The following CSMD3 variants were observed in gnomAD, a reference collection of about 807,000 sequenced individuals.
The protein encoded by CSMD3 is CUB and Sushi multiple domains 3, also known as CUB and sushi domain-containing protein 3.
A neutral mutation model predicts 435.2 loss-of-function variants in CSMD3; 177 were observed. That is an observed-to-expected ratio of 0.41 (90% CI 0.36 to 0.46). The LOEUF is 0.46. Among genes scored for constraint, CSMD3 ranks in the 20% least tolerant of loss-of-function variants. The pLI is 0.34. For missense variants in CSMD3, 4,265 were observed against 4,504.6 expected, an observed-to-expected ratio of 0.95 and a Z score of 1.52; for synonymous variants, 1,656 against 1,520.5, an observed-to-expected ratio of 1.09 and a Z score of -2.07.
At chr8:112,494,876 T>G (rs1267549967) in intron 30 of CSMD3, among the ~76,000 whole-genome samples, 1 of 151,984 alleles carries the variant, frequency 6.6e-6, no homozygotes, top group Admixed American at 6.6e-5. Context: ...TAAATGTGAT[T>G]CCTGGGTTTC....
chr8:113,146,752 T>G (rs951954928), intron 4 of CSMD3, among the ~76,000 whole-genome samples: 1 of 151,608 alleles, frequency 6.6e-6, no homozygotes, highest in Non-Finnish European at 1.5e-5. Flanking sequence ...ACTGGCCATA[T>G]ACACGAAAAC....
At chr8:112,665,590 CTGTT>C (rs2075501965) in intron 17 of CSMD3, among the ~76,000 whole-genome samples, 2 of 151,886 alleles carry the variant, frequency 1.3e-5, no homozygotes, top group East Asian at 1.9e-4. Flanking sequence ...TTTTGTTCAT[CTGTT>C]TGTTTTTTGA....
At chr8:112,947,700 TTCA>T in intron 9 of CSMD3, 87 bp downstream of exon 9, 1 of 675,994 alleles carries the variant, frequency 1.5e-6, no homozygotes, top group Non-Finnish European at 2.7e-6. Context: ...CCACTAAGAC[TTCA>T]TCTTTATATT....
intron 38 of CSMD3, among the ~76,000 whole-genome samples, chr8:112,355,520 A>G (rs1019397258): frequency 2.0e-5 from 3 of 152,170 alleles, no homozygotes; most frequent in African/African-American, 7.2e-5. Flanking sequence ...GTCAACAAGC[A>G]AAACACAAAT....
chr8:113,323,782 G>T (rs1472378412), intron 1 of CSMD3, among the ~76,000 whole-genome samples: 1 of 151,970 alleles, frequency 6.6e-6, no homozygotes, highest in Non-Finnish European at 1.5e-5. Context: ...AATTTCTATT[G>T]AATGCTTGTT....
chr8:112,768,212 A>C (rs888612923), intron 13 of CSMD3, among the ~76,000 whole-genome samples: 1 of 151,752 alleles, frequency 6.6e-6, no homozygotes, highest in African/African-American at 2.4e-5. Flanking sequence ...GGAGAGTTTG[A>C]TATCCAGAGG....
chr8:112,370,085 T>G (rs74853441), intron 38 of CSMD3, among the ~76,000 whole-genome samples: 1 of 113,594 alleles, frequency 8.8e-6, no homozygotes, highest in Non-Finnish European at 1.7e-5. Flanking sequence ...GAAGAAGAAG[T>G]AGTAGTAGTA....
intron 1 of CSMD3, among the ~76,000 whole-genome samples, chr8:113,431,517 A>G (rs2094673016): frequency 6.6e-6 from 1 of 152,212 alleles, no homozygotes; most frequent in Non-Finnish European, 1.5e-5. Context: ...TACCAGGCGT[A>G]TGCTTGGTGC....
chr8:112,670,535 C>G (rs2075632070), intron 16 of CSMD3, among the ~76,000 whole-genome samples: 1 of 152,064 alleles, frequency 6.6e-6, no homozygotes, highest in Non-Finnish European at 1.5e-5. Flanking sequence ...AAGGCATTAT[C>G]AGATTATGAA....
At chr8:112,361,648 T>G (rs1478747055) in intron 38 of CSMD3, among the ~76,000 whole-genome samples, 1 of 138,948 alleles carries the variant, frequency 7.2e-6, no homozygotes, top group Non-Finnish European at 1.5e-5. Flanking sequence ...TGATTTCAAA[T>G]GAGTGATTAA....
intron 22 of CSMD3, among the ~76,000 whole-genome samples, chr8:112,601,117 A>G (rs966277727): frequency 3.4e-4 from 52 of 152,172 alleles, no homozygotes; most frequent in African/African-American, 1.2e-3. Context: ...CAAGAACAAA[A>G]TATACTTCTT....
intron 45 of CSMD3, among the ~76,000 whole-genome samples, chr8:112,324,857 T>C (rs562507084): frequency 5.3e-4 from 81 of 152,204 alleles, no homozygotes; most frequent in African/African-American, 1.8e-3. Context: ...CAAGAGTGGA[T>C]AGCAAGAGAC....
chr8:113,373,128 C>A (rs1395574658), intron 1 of CSMD3, among the ~76,000 whole-genome samples: 1 of 152,078 alleles, frequency 6.6e-6, no homozygotes, highest in African/African-American at 2.4e-5. Flanking sequence ...GAAGCAGAAT[C>A]CAATTCTCTA....
intron 23 of CSMD3, among the ~76,000 whole-genome samples, chr8:112,578,928 C>T (rs1453594192): frequency 1.3e-5 from 2 of 151,936 alleles, no homozygotes; most frequent in Non-Finnish European, 2.9e-5. Context: ...GAGCAATGTA[C>T]AAATAGTAAT....
chr8:112,618,793 A>G (rs762090778), intron 22 of CSMD3, among the ~76,000 whole-genome samples: 4 of 152,090 alleles, frequency 2.6e-5, no homozygotes, highest in Non-Finnish European at 5.9e-5. Context: ...AAACCACTCT[A>G]TTTATGCCTG....
intron 1 of CSMD3, among the ~76,000 whole-genome samples, chr8:113,327,006 T>C (rs577421363): frequency 6.0e-4 from 92 of 152,332 alleles, no homozygotes; most frequent in African/African-American, 2.2e-3. Flanking sequence ...AAGAATATAA[T>C]GAATTATGTC....
intron 13 of CSMD3, among the ~76,000 whole-genome samples, chr8:112,730,808 A>G: frequency 6.6e-6 from 1 of 152,130 alleles, no homozygotes; most frequent in Admixed American, 6.6e-5. Context: ...AGATCAATTT[A>G]GGGCTTGCTC....
At chr8:113,043,756 T>C (rs35439383) in intron 5 of CSMD3, among the ~76,000 whole-genome samples, 8,068 of 152,132 alleles carry the variant, frequency 0.053, 333 homozygotes, top group Non-Finnish European at 0.085. Flanking sequence ...TTGTATCTAA[T>C]AATTTAGAAG....
intron 10 of CSMD3, among the ~76,000 whole-genome samples, chr8:112,910,860 A>AC (rs368983953): frequency 1.4e-3 from 211 of 151,954 alleles, no homozygotes; most frequent in Middle Eastern, 6.8e-3. Context: ...AAACGATTTT[A>AC]CCCAGGTCAC....
Sources: allele counts gnomAD v4.1 joint callset (sites outside exome capture counted in the v4.1 genomes callset), GRCh38; gene constraint gnomAD v4.1.1; transcripts MANE v1.5; gene names NCBI Gene and HGNC (gene_info 2026-07-23, HGNC 2026-07-21).